PXDNL: variants seen among roughly 807,000 people sequenced by gnomAD.
PXDNL encodes the protein peroxidasin like.
Under a neutral mutation model 150.8 loss-of-function variants are expected in PXDNL, and 145 were observed. The ratio of observed to expected loss-of-function variants is 0.96; its 90% CI spans 0.84 to 1.10. PXDNL has a LOEUF of 1.10. PXDNL is among the 50% of genes least tolerant of loss of function. PXDNL has a pLI of 0.00. For synonymous variants in PXDNL, 757 were observed against 725.7 expected, an observed-to-expected ratio of 1.04 and a Z score of -0.69; for missense variants, 2,087 against 1,873.9, an observed-to-expected ratio of 1.11 and a Z score of -2.10.
intron 1 of PXDNL, among the ~76,000 whole-genome samples, chr8:51,765,211 C>T (rs2037214866): frequency 6.6e-6 from 1 of 152,082 alleles, no homozygotes; most frequent in Admixed American, 6.5e-5. Flanking sequence ...GGGAGGGACC[C>T]AGTGGGAGAT....
rs193112638 is a variant in PXDNL, at chr8:51,785,977, G to T, written c.164+23204C>A. Among the ~76,000 whole-genome samples the T allele has an allele frequency of 2.2e-3, 335 of 152,314 alleles. 1 individual carries two copies. Among genetic ancestry groups the T allele is most frequent in the Admixed American group, 3.3e-3 (50 of 15,308 alleles). ...ATTTTGTGAAGACTGAGAGAGATGA[G>T]GAGGCTAGAGAAGAAAAGTTTGAAG... On this transcript the variant is annotated intron_variant, in intron 1 of 22. Transcript: ENST00000356297.
Position 51,513,942 on chromosome 8 carries a change from C to G in PXDNL, c.381-14172G>C, listed in dbSNP as rs1303821368. On this transcript the variant is annotated intron_variant, in intron 4 of 22. Transcript: ENST00000356297. Reference sequence around the variant, plus strand: ...AGAACTAGACACAGCTTTAACCAAACCTGACCATAAATGAATATTGTTTCT... The same window carrying G: ...AGAACTAGACACAGCTTTAACCAAAGCTGACCATAAATGAATATTGTTTCT... Among the ~76,000 whole-genome samples the G allele has an allele frequency of 2.0e-5, 3 of 152,196 alleles. No homozygotes were observed. The East Asian group carries it at 5.8e-4, about 29-fold the overall frequency.
At chr8:51,746,377 A>AG (rs1307812301) in intron 1 of PXDNL, among the ~76,000 whole-genome samples, 12 of 152,206 alleles carry the variant, frequency 7.9e-5, no homozygotes, top group Admixed American at 5.2e-4. Flanking sequence ...GAAAGCCCAA[A>AG]GGACACTGAT....
chr8:51,490,917 A>G (rs959725096), intron 5 of PXDNL, among the ~76,000 whole-genome samples: 9 of 152,102 alleles, frequency 5.9e-5, no homozygotes, highest in Non-Finnish European at 1.3e-4. Context: ...GCTGCAAAAT[A>G]TTGATCCTTG....
intron 17 of PXDNL, among the ~76,000 whole-genome samples, chr8:51,383,509 G>A (rs1423253471): frequency 6.6e-6 from 1 of 152,128 alleles, no homozygotes; most frequent in African/African-American, 2.4e-5. Flanking sequence ...GGTAACTTTG[G>A]CCAGAATTCC....
At chr8:51,656,192 G>C (rs1268847277) in intron 1 of PXDNL, among the ~76,000 whole-genome samples, 1 of 152,068 alleles carries the variant, frequency 6.6e-6, no homozygotes, top group Admixed American at 6.6e-5. Context: ...ATAAAAAGTT[G>C]TTCTATCTTA....
intron 4 of PXDNL, among the ~76,000 whole-genome samples, chr8:51,550,072 G>T (rs1812447240): frequency 6.6e-6 from 1 of 152,104 alleles, no homozygotes; most frequent in South Asian, 2.1e-4. Context: ...GCATAGACTA[G>T]AAAACCTAGA....
At chr8:51,412,249 AG>A (rs1237952044) in intron 15 of PXDNL, among the ~76,000 whole-genome samples, 1 of 152,174 alleles carries the variant, frequency 6.6e-6, no homozygotes, top group Non-Finnish European at 1.5e-5. Context: ...TGATGCTAAT[AG>A]TTCACTTTGG....
chr8:51,646,188 G>T (rs561751825), intron 2 of PXDNL, among the ~76,000 whole-genome samples: 1 of 152,250 alleles, frequency 6.6e-6, no homozygotes, highest in Non-Finnish European at 1.5e-5. Context: ...AGTGACACTG[G>T]TGTCCTTATA....
chr8:51,621,785 C>A (rs1351213752), intron 2 of PXDNL, among the ~76,000 whole-genome samples: 1 of 151,588 alleles, frequency 6.6e-6, no homozygotes, highest in Non-Finnish European at 1.5e-5. Context: ...ACAAAAAATA[C>A]AAAAATTAGC....
intron 12 of PXDNL, 63 bp from the exon 13 acceptor site, chr8:51,426,821 C>A: frequency 1.0e-6 from 1 of 970,898 alleles, no homozygotes; most frequent in East Asian, 2.6e-5. Context: ...CATATGCCAG[C>A]TGAGTCAAAG....
intron 2 of PXDNL, among the ~76,000 whole-genome samples, chr8:51,598,652 T>C (rs1022697963): frequency 6.6e-6 from 1 of 152,120 alleles, no homozygotes; most frequent in Non-Finnish European, 1.5e-5. Context: ...TAGTATTTTG[T>C]TGAGGAATTT....
intron 2 of PXDNL, among the ~76,000 whole-genome samples, chr8:51,637,297 T>TC (rs1433972437): frequency 6.6e-6 from 1 of 151,862 alleles, no homozygotes; most frequent in Admixed American, 6.6e-5. Context: ...AGAGTGCCTC[T>TC]CCCCCTACAA....
chr8:51,654,288 T>C (rs1815104744), intron 2 of PXDNL, among the ~76,000 whole-genome samples: 1 of 152,240 alleles, frequency 6.6e-6, no homozygotes, highest in Non-Finnish European at 1.5e-5. Context: ...TTCTTTGTTT[T>C]AGAGTATCAC....
chr8:51,440,090 AC>A (rs1158043158), intron 12 of PXDNL, among the ~76,000 whole-genome samples: 1 of 151,936 alleles, frequency 6.6e-6, no homozygotes, highest in Non-Finnish European at 1.5e-5. Context: ...ATGGAATACT[AC>A]TCAGCCATAA....
At chr8:51,710,447 G>A (rs1007945095) in intron 1 of PXDNL, among the ~76,000 whole-genome samples, 3 of 152,226 alleles carry the variant, frequency 2.0e-5, no homozygotes, top group South Asian at 2.1e-4. Flanking sequence ...TTTTTGGGGG[G>A]TGAGGACATT....
At chr8:51,345,558 A>G (rs1586018722) in intron 20 of PXDNL, among the ~76,000 whole-genome samples, 1 of 152,316 alleles carries the variant, frequency 6.6e-6, no homozygotes, top group Middle Eastern at 3.4e-3. Flanking sequence ...TCATAATGTC[A>G]TTTAAGGGAT....
intron 4 of PXDNL, among the ~76,000 whole-genome samples, chr8:51,515,296 A>C (rs1220688954): frequency 1.3e-5 from 2 of 152,100 alleles, no homozygotes; most frequent in African/African-American, 4.8e-5. Context: ...ATAGGGTTCC[A>C]GGGGGCAGGT....
intron 17 of PXDNL, among the ~76,000 whole-genome samples, chr8:51,377,930 C>G (rs947369170): frequency 2.1e-4 from 32 of 152,252 alleles, no homozygotes; most frequent in African/African-American, 7.7e-4. Flanking sequence ...GACTGGCAGG[C>G]AGCTCCACCT....
Sources: allele counts gnomAD v4.1 joint callset (sites outside exome capture counted in the v4.1 genomes callset), GRCh38; gene constraint gnomAD v4.1.1; transcripts MANE v1.5; gene names NCBI Gene and HGNC (gene_info 2026-07-23, HGNC 2026-07-21).